CCDC195: variants seen among roughly 807,000 people sequenced by gnomAD.
The protein encoded by CCDC195 is coiled-coil domain containing 195.
At chr2:224,711,526 T>G (rs1041791171) in intron 1 of CCDC195, among the ~76,000 whole-genome samples, 1 of 152,144 alleles carries the variant, frequency 6.6e-6, no homozygotes, top group Non-Finnish European at 1.5e-5. Flanking sequence ...AACATCTACT[T>G]GCATGTCCAG....
intron 2 of CCDC195, among the ~76,000 whole-genome samples, chr2:224,704,308 C>T (rs1697211783): frequency 6.6e-6 from 1 of 152,226 alleles, no homozygotes; most frequent in Admixed American, 6.5e-5. Flanking sequence ...ACTGAATACA[C>T]ATCATGCCTG....
intron 2 of CCDC195, among the ~76,000 whole-genome samples, chr2:224,707,705 T>A (rs527839718): frequency 8.5e-5 from 13 of 152,346 alleles, no homozygotes; most frequent in Admixed American, 3.3e-4. Context: ...TCCTGCTGTA[T>A]CTGCAAGGCA....
At chr2:224,716,293 T>C in exon 1 of CCDC195, 1 of 398,700 alleles carries the variant, frequency 2.5e-6, no homozygotes, top group Non-Finnish European at 4.4e-6. Flanking sequence ...AGGGCTTGAT[T>C]CTCTTTCTCC....
At chr2:224,705,157 G>C (rs566546942) in intron 2 of CCDC195, among the ~76,000 whole-genome samples, 28 of 152,240 alleles carry the variant, frequency 1.8e-4, no homozygotes, top group African/African-American at 6.7e-4. Flanking sequence ...AATGATGATG[G>C]AGGTGGAATT....
chr2:224,713,107 T>C (rs975924278), intron 1 of CCDC195, among the ~76,000 whole-genome samples: 8 of 152,152 alleles, frequency 5.3e-5, no homozygotes, highest in Non-Finnish European at 1.0e-4. Context: ...GACCTCGTGA[T>C]CCACCCACCT....
chr2:224,705,078 C>G (rs1361312809), intron 2 of CCDC195, among the ~76,000 whole-genome samples: 1 of 152,156 alleles, frequency 6.6e-6, no homozygotes, highest in Non-Finnish European at 1.5e-5. Context: ...TTAAGATTCC[C>G]TTTTTACAGA....
At chr2:224,708,192 A>G (rs1286484890) in intron 2 of CCDC195, among the ~76,000 whole-genome samples, 2 of 152,148 alleles carry the variant, frequency 1.3e-5, no homozygotes, top group Non-Finnish European at 2.9e-5. Flanking sequence ...CATCTGAAGC[A>G]AATATGATAA....
At position 224,708,015 on chromosome 2, in the gene CCDC195, C is replaced by T. The variant is rs1196919274; in HGVS notation, c.482+1958G>A. ...CCCTCCCTCCCTTCCTTCCTTTCTTCCTTCCTTCCTTCCTTCCTTCTTAGA... is the reference window on the plus strand; with the variant it reads ...CCCTCCCTCCCTTCCTTCCTTTCTTTCTTCCTTCCTTCCTTCCTTCTTAGA... On this transcript the variant is annotated intron_variant, in intron 2 of 2. Coordinates refer to ENST00000638102, the Ensembl canonical transcript of CCDC195. Among the ~76,000 whole-genome samples the T allele has an allele frequency of 8.2e-5, 9 of 109,944 alleles. No homozygotes were observed. In the East Asian group the frequency reaches 1.1e-3, roughly 14 times the overall value. The allele number at this position is 109,944 out of a possible 152,430, so 72.1% of individuals were successfully genotyped here. A position where few individuals can be genotyped will look rare whatever the true frequency, so the allele number is the denominator to read the frequency against.
intron 2 of CCDC195, among the ~76,000 whole-genome samples, chr2:224,708,360 G>A (rs1298062530): frequency 3.3e-5 from 5 of 152,018 alleles, no homozygotes; most frequent in Admixed American, 1.3e-4. Context: ...AGCATTCCAC[G>A]AGTGGCCTTT....
intron 2 of CCDC195, among the ~76,000 whole-genome samples, chr2:224,706,509 CTT>C (rs35298629): frequency 6.7e-4 from 64 of 95,704 alleles, no homozygotes; most frequent in African/African-American, 2.0e-3. Context: ...CTGGCTGTAA[CTT>C]TTTTTTTTTT....
chr2:224,706,189 CTTTTTTTTTTTTTTTTTTT>C (rs201012911), intron 2 of CCDC195, among the ~76,000 whole-genome samples: 26 of 33,356 alleles, frequency 7.8e-4, no homozygotes, highest in Admixed American at 2.4e-3. Context: ...TATTTTGTAA[CTTTTTTTTTTTTTTTTTTT>C]TTTTTTTTTT....
rs201012911 is a variant in CCDC195 at position 224,706,189 on chromosome 2, C to CTTTTTTTTT, written c.483-2311_483-2303dup. On this transcript the variant is annotated intron_variant, in intron 2 of 2. Coordinates refer to ENST00000638102, the Ensembl canonical transcript of CCDC195. The stretch of plus-strand genomic sequence containing the variant: ...TGTATATTGCCTCTATATTTTGTAA[C>CTTTTTTTTT]TTTTTTTTTTTTTTTTTTTTTTTTT... 8.4e-3 allele frequency among the ~76,000 whole-genome samples: 280 copies of CTTTTTTTTT among 33,368 alleles called. 91 individuals are homozygous for CTTTTTTTTT. Among genetic ancestry groups the CTTTTTTTTT allele is most frequent in the Admixed American group, 0.011 (19 of 1,704 alleles). The allele number at this position is 33,368 out of a possible 152,430, so 21.9% of individuals were successfully genotyped here.
intron 2 of CCDC195, among the ~76,000 whole-genome samples, chr2:224,707,852 A>G (rs1448432281): frequency 1.3e-5 from 2 of 152,204 alleles, no homozygotes; most frequent in Non-Finnish European, 2.9e-5. Flanking sequence ...GGACAAAGGA[A>G]AAGTTATATA....
At chr2:224,706,988 C>T (rs916022172) in intron 2 of CCDC195, among the ~76,000 whole-genome samples, 1 of 151,552 alleles carries the variant, frequency 6.6e-6, no homozygotes, top group Non-Finnish European at 1.5e-5. Context: ...GACACATGAC[C>T]AATGGAACCC....
exon 2 of CCDC195, chr2:224,710,199 G>A (rs980778522): frequency 3.1e-4 from 123 of 398,494 alleles, no homozygotes; most frequent in African/African-American, 1.8e-3. Context: ...ATGGAATAGC[G>A]TCTAACAATC....
intron 2 of CCDC195, among the ~76,000 whole-genome samples, chr2:224,706,801 C>T (rs1055772319): frequency 3.5e-5 from 5 of 144,244 alleles, no homozygotes; most frequent in Admixed American, 6.9e-5. Context: ...TGAGCCACCG[C>T]GACCGACACC....
intron 2 of CCDC195, among the ~76,000 whole-genome samples, chr2:224,705,544 G>T (rs1347365022): frequency 6.6e-6 from 1 of 152,206 alleles, no homozygotes; most frequent in Non-Finnish European, 1.5e-5. Context: ...TCAAAAGTCA[G>T]TGCAAACAAA....
chr2:224,716,331 T>G (rs1689382244), exon 1 of CCDC195: 1 of 398,686 alleles, frequency 2.5e-6, no homozygotes, highest in Non-Finnish European at 4.4e-6. Flanking sequence ...CCGCATTTCC[T>G]GGATAAGTCT....
intron 1 of CCDC195, among the ~76,000 whole-genome samples, chr2:224,710,883 G>T (rs559098875): frequency 9.8e-5 from 15 of 152,296 alleles, no homozygotes; most frequent in African/African-American, 3.6e-4. Flanking sequence ...GATGCAGGAA[G>T]GTGTTCGGAG....
Sources: gnomAD v4.1 joint callset for allele counts (sites outside exome capture counted in the v4.1 genomes callset) on GRCh38, gnomAD v4.1.1 for gene constraint, MANE v1.5 for transcripts, NCBI Gene and HGNC (gene_info 2026-07-23, HGNC 2026-07-21) for gene names.